Variants in MYO18B observed in about 807,000 individuals in gnomAD.
MYO18B encodes unconventional myosin-XVIIIb.
MYO18B carries 204 observed loss-of-function variants against 273.0 expected under a neutral mutation model. That is an observed-to-expected ratio of 0.75 (90% confidence interval 0.67 to 0.84). MYO18B has a LOEUF of 0.84. Among genes scored for constraint, MYO18B ranks in the 40% least tolerant of loss-of-function variants. MYO18B has a pLI of 0.00. For synonymous variants in MYO18B, 1,330 were observed against 1,305.7 expected, an observed-to-expected ratio of 1.02 and a Z score of -0.40; for missense variants, 3,212 against 3,287.6, an observed-to-expected ratio of 0.98 and a Z score of 0.56.
chr22:25,957,405 AAACCTT>A (rs1381149175), intron 39 of MYO18B, among the ~76,000 whole-genome samples: 1 of 152,182 alleles, frequency 6.6e-6, no homozygotes, highest in African/African-American at 2.4e-5. Flanking sequence ...ACACAACACA[AAACCTT>A]AAAGAGCTTG....
chr22:26,026,660 C>A lies in MYO18B; in HGVS notation c.6686C>A (p.Ala2229Asp), dbSNP rs898226585. The A allele has an allele frequency of 6.8e-6, 11 of 1,613,762 alleles. 1 individual carries two copies. Among genetic ancestry groups the A allele is most frequent in the East Asian group, 2.2e-5 (1 of 44,884 alleles). ...TTAGAACCTGCTTCCTCTCCCCTGG[C>A]TTCTCGGAGTACAAATACATCCCCG... is the stretch of plus-strand genomic sequence containing the variant. The part of the protein sequence containing the change: ...ERLEPASSPL[A>D]SRSTNTSPLS... Residue 2229 changes from alanine (A) to aspartate (D), a missense_variant, in exon 43 of 44, where the codon GCT becomes GAT. Transcript: ENST00000335473.
intron 1 of MYO18B, among the ~76,000 whole-genome samples, chr22:25,747,671 C>T (rs1452177028): frequency 1.3e-5 from 2 of 152,156 alleles, no homozygotes; most frequent in African/African-American, 2.4e-5. Flanking sequence ...GCAATGGAGG[C>T]TGGCAGGGTG....
Position 26,030,853 on chromosome 22 carries a change from C to T in MYO18B, c.*423C>T. 1 of 398,538 alleles carries T rather than the reference C, an allele frequency of 2.5e-6. No homozygotes were observed. Among genetic ancestry groups the T allele is most frequent in the Non-Finnish European group, 4.4e-6 (1 of 226,040 alleles). 24.7% of individuals were successfully genotyped at this position (398,538 alleles called of 1,614,324 possible). On this transcript the variant is annotated 3_prime_UTR_variant, in exon 44 of 44. Coordinates refer to ENST00000335473, the MANE Select transcript of MYO18B (RefSeq NM_032608.7). ...AGCTCACTTCCTCCAGGAAGTCTTT[C>T]CTGATATATCAAACTGAAACAAATG... is the stretch of plus-strand genomic sequence containing the variant.
rs369473785 is a variant in MYO18B, at chr22:25,828,905, T to C, written c.2916T>C (p.His972=). 1.2e-6 allele frequency: 2 copies of C among 1,613,898 alleles called. No individual in the cohort carries two copies. Among genetic ancestry groups the C allele is most frequent in the African/African-American group, 2.7e-5 (2 of 74,938 alleles). ...AGGAGCTGTGCCACAACTACGCCCATGAGCGCCTGCAGCTGCTGTTCTACC... is the reference window on the plus strand; with the variant it reads ...AGGAGCTGTGCCACAACTACGCCCACGAGCGCCTGCAGCTGCTGTTCTACC... The part of the protein sequence containing the change: ...TFEELCHNYA[H]ERLQLLFYQR... Residue 972 remains histidine, a synonymous_variant, in exon 15 of 44, where the codon CAT becomes CAC. Coordinates refer to ENST00000335473, the MANE Select transcript of MYO18B (RefSeq NM_032608.7).
At position 25,921,316 on chromosome 22, in the gene MYO18B, T is replaced by C. The variant is rs1052072892; in HGVS notation, c.5424T>C (p.His1808=). The change falls in exon 34 of 44, where the codon CAT becomes CAC. Residue 1808 remains histidine (H), a synonymous_variant. Transcript: ENST00000335473. ...TTCGGAGAGACCTCAGGAGGACACA[T>C]GCACTGTTGTCAGACGTGCAGCTCC... ...KRLRRDLRRT[H]ALLSDVQLLL... 1.3e-6 allele frequency: 2 copies of C among 1,567,908 alleles called. No individual in the cohort carries two copies. The highest frequency in any genetic ancestry group is 1.9e-5 in the Admixed American group (1 of 52,640).
At chr22:26,010,175 T>C (rs1486308274) in intron 42 of MYO18B, among the ~76,000 whole-genome samples, 1 of 152,140 alleles carries the variant, frequency 6.6e-6, no homozygotes, top group Non-Finnish European at 1.5e-5. Flanking sequence ...TTTCTGCTTC[T>C]CTCCATCCCC....
chr22:25,937,742 C>T (rs1007145746), intron 34 of MYO18B, among the ~76,000 whole-genome samples: 7 of 152,166 alleles, frequency 4.6e-5, no homozygotes, highest in Non-Finnish European at 8.8e-5. Context: ...TGCACCACCG[C>T]GCCTGGCTGA....
At chr22:26,021,008 G>A (rs1243978361) in intron 42 of MYO18B, among the ~76,000 whole-genome samples, 1 of 152,152 alleles carries the variant, frequency 6.6e-6, no homozygotes, top group Non-Finnish European at 1.5e-5. Context: ...AGAATCACTC[G>A]AACCCTGGAG....
chr22:26,010,343 G>A (rs1934801072), intron 42 of MYO18B, among the ~76,000 whole-genome samples: 1 of 152,166 alleles, frequency 6.6e-6, no homozygotes, highest in African/African-American at 2.4e-5. Flanking sequence ...ATTGCCTACA[G>A]CAGGGGTCCC....
At chr22:25,886,356 C>T (rs2091499708) in intron 25 of MYO18B, among the ~76,000 whole-genome samples, 2 of 152,212 alleles carry the variant, frequency 1.3e-5, no homozygotes, top group Admixed American at 1.3e-4. Context: ...TTTGAATTTC[C>T]CCTGCTGACT....
At chr22:25,757,699 G>A (rs1011968412) in intron 1 of MYO18B, among the ~76,000 whole-genome samples, 1 of 152,126 alleles carries the variant, frequency 6.6e-6, no homozygotes, top group Non-Finnish European at 1.5e-5. Context: ...TTGCTCAGAG[G>A]GCCCGGCCAA....
chr22:25,789,391 G>T (rs5996974), intron 11 of MYO18B, among the ~76,000 whole-genome samples: 144,435 of 152,024 alleles, frequency 0.95, 68,902 homozygotes, highest in Non-Finnish European at 0.99. Flanking sequence ...ATCCCAGCAC[G>T]TTGGGAGGCT....
At chr22:25,819,803 T>G (rs1306274965) in intron 12 of MYO18B, among the ~76,000 whole-genome samples, 1 of 152,020 alleles carries the variant, frequency 6.6e-6, no homozygotes, top group African/African-American at 2.4e-5. Flanking sequence ...CCACTTAGTA[T>G]CAGCCTGTTT....
intron 40 of MYO18B, among the ~76,000 whole-genome samples, chr22:25,998,734 T>C (rs8135240): frequency 0.32 from 48,238 of 151,844 alleles, 8,148 homozygotes; most frequent in African/African-American, 0.43. Flanking sequence ...TCCTGCAACT[T>C]TTTTACTTTC....
chr22:25,938,179 T>C (rs2092603560), intron 34 of MYO18B, among the ~76,000 whole-genome samples: 1 of 152,166 alleles, frequency 6.6e-6, no homozygotes, highest in Non-Finnish European at 1.5e-5. Flanking sequence ...GACTGGAATT[T>C]TTCCTCTCCA....
Position 25,812,090 on chromosome 22 carries a change from C to A in MYO18B, c.2522-11415C>A, listed in dbSNP as rs1423057753. ...CAGTCCCAAGTGGCACAAAGCTGGA[C>A]TCTCTGTCTGCCATGCACTGTGTCA... On this transcript the variant is annotated intron_variant, in intron 12 of 43. Coordinates refer to ENST00000335473, the MANE Select transcript of MYO18B (RefSeq NM_032608.7). Among the ~76,000 whole-genome samples, 5 of 133,312 alleles carry A rather than the reference C, an allele frequency of 3.8e-5. 1 individual carries two copies. In the Middle Eastern group the frequency reaches 0.011, roughly 296 times the overall value. The allele number at this position is 133,312 out of a possible 152,430, so 87.5% of individuals were successfully genotyped here. A position where few individuals can be genotyped will look rare whatever the true frequency, so the allele number is the denominator to read the frequency against.
chr22:25,876,360 G>A (rs1174270525), intron 24 of MYO18B, 28 bp downstream of exon 24: 2 of 1,585,984 alleles, frequency 1.3e-6, no homozygotes. Context: ...GCAGGGTGCT[G>A]GGTGGCTACT....
At chr22:25,842,672 CA>C (rs695584) in intron 17 of MYO18B, among the ~76,000 whole-genome samples, 6,390 of 64,524 alleles carry the variant, frequency 0.099, 188 homozygotes, top group African/African-American at 0.21. Flanking sequence ...AACTCCGTCT[CA>C]AAAAAAAAAA....
chr22:25,867,754 C>T (rs375182615), intron 21 of MYO18B, among the ~76,000 whole-genome samples: 39 of 152,226 alleles, frequency 2.6e-4, no homozygotes, highest in African/African-American at 8.4e-4. Context: ...CTCAGCCTCC[C>T]GAGTAGCTGG....
Sources: gnomAD v4.1 joint callset for allele counts (sites outside exome capture counted in the v4.1 genomes callset) on GRCh38, gnomAD v4.1.1 for gene constraint, MANE v1.5 for transcripts, NCBI Gene and HGNC (gene_info 2026-07-23, HGNC 2026-07-21) for gene names.